Variants in ASCC2 observed in about 807,000 individuals in gnomAD.
The protein encoded by ASCC2 is activating signal cointegrator 1 complex subunit 2.
A neutral mutation model predicts 93.5 loss-of-function variants in ASCC2; 42 were observed. That is an observed-to-expected ratio of 0.45 (90% confidence interval 0.35 to 0.58). The LOEUF is 0.58. Ranked by LOEUF, ASCC2 falls within the 20% of genes least tolerant of loss-of-function variation. ASCC2 has a pLI of 0.00. For missense variants in ASCC2, 859 were observed against 977.6 expected (o/e 0.88, Z 1.62); for synonymous variants, 364 against 384.2 (o/e 0.95, Z 0.62).
intron 1 of ASCC2, among the ~76,000 whole-genome samples, chr22:29,832,881 C>CT: frequency 6.6e-6 from 1 of 152,138 alleles, no homozygotes; most frequent in East Asian, 1.9e-4. Context: ...GCTGGGACTA[C>CT]AGGCATGCAC....
intron 5 of ASCC2, among the ~76,000 whole-genome samples, chr22:29,816,308 T>C (rs1268937525): frequency 6.6e-6 from 1 of 152,158 alleles, no homozygotes; most frequent in Non-Finnish European, 1.5e-5. Context: ...TGATTTAACC[T>C]TTTAAGTACC....
At chr22:29,796,089 G>A (rs560920851) in intron 15 of ASCC2, among the ~76,000 whole-genome samples, 1 of 152,018 alleles carries the variant, frequency 6.6e-6, no homozygotes, top group African/African-American at 2.4e-5. Flanking sequence ...CAGCATGGCG[G>A]GCTAGGGTTT....
intron 17 of ASCC2, 103 bp downstream of exon 17, chr22:29,793,257 T>C (rs897383389): frequency 1.3e-6 from 2 of 1,512,198 alleles, no homozygotes; most frequent in Non-Finnish European, 1.8e-6. Flanking sequence ...AGGACTGGGT[T>C]TGGGCCCTGG....
At chr22:29,832,804 G>A (rs1213507483) in intron 1 of ASCC2, among the ~76,000 whole-genome samples, 1 of 151,422 alleles carries the variant, frequency 6.6e-6, no homozygotes, top group Non-Finnish European at 1.5e-5. Context: ...GAAGTGGTGA[G>A]ATCATAGCTC....
At position 29,800,992 on chromosome 22, in the gene ASCC2, T is replaced by G. The variant is rs777776524; in HGVS notation, c.1687A>C (p.Ser563Arg). Residue 563 changes from serine (S) to arginine (R), a missense_variant and splice_region_variant, in exon 15 of 20, where the codon AGC (serine) becomes CGC (arginine). By Grantham distance (110) the Ser-to-Arg change is moderately radical (BLOSUM62 -1). Transcript: ENST00000307790. ...VDLSRVHKGK[S>R]TRKEENTRSL... ...AACCCCATGGCCCACTGCACTCACC[T>G]CTTGCCCTTGTGCACCCGGCTCAGG... is the stretch of plus-strand genomic sequence containing the variant. 1.3e-6 allele frequency: 2 copies of G among 1,593,370 alleles called. No homozygotes were observed. The highest frequency in any genetic ancestry group is 2.2e-5 in the South Asian group (2 of 90,236).
At chr22:29,832,887 T>A (rs772911249) in intron 1 of ASCC2, among the ~76,000 whole-genome samples, 36 of 152,268 alleles carry the variant, frequency 2.4e-4, no homozygotes, top group Middle Eastern at 6.8e-3. Context: ...ACTACAGGCA[T>A]GCACCACTAC....
intron 15 of ASCC2, among the ~76,000 whole-genome samples, chr22:29,795,593 A>G (rs961650070): frequency 1.3e-5 from 2 of 152,136 alleles, no homozygotes; most frequent in Non-Finnish European, 2.9e-5. Context: ...TGTCTCTTCC[A>G]CAGCTCAAGT....
intron 13 of ASCC2, among the ~76,000 whole-genome samples, chr22:29,804,069 G>A (rs1014495028): frequency 6.6e-6 from 1 of 152,268 alleles, no homozygotes; most frequent in Admixed American, 6.5e-5. Flanking sequence ...TGCCTCGCCT[G>A]AGTCTGTGTG....
At chr22:29,801,905 G>A (rs745796830) in intron 14 of ASCC2, 89 bp downstream of exon 14, 4 of 1,104,432 alleles carry the variant, frequency 3.6e-6, no homozygotes, top group Non-Finnish European at 5.3e-6. Flanking sequence ...GCTGAGTCCT[G>A]GGCCATGAAT....
intron 14 of ASCC2, among the ~76,000 whole-genome samples, 184 bp from the exon 15 acceptor site, chr22:29,801,294 G>A: frequency 6.6e-6 from 1 of 152,186 alleles, no homozygotes; most frequent in East Asian, 1.9e-4. Flanking sequence ...CCTCTGCCTG[G>A]GTATGCAGCC....
At chr22:29,797,694 T>C (rs1467126656) in intron 15 of ASCC2, among the ~76,000 whole-genome samples, 1 of 152,232 alleles carries the variant, frequency 6.6e-6, no homozygotes, top group African/African-American at 2.4e-5. Flanking sequence ...TACAGGACTT[T>C]TCAGAGCCTT....
chr22:29,823,240 T>C (rs944364820), intron 4 of ASCC2, among the ~76,000 whole-genome samples: 3 of 151,952 alleles, frequency 2.0e-5, no homozygotes, highest in Admixed American at 6.6e-5. Context: ...GGTTTTGCCA[T>C]GTTGGCCACG....
intron 15 of ASCC2, among the ~76,000 whole-genome samples, chr22:29,797,279 C>T (rs747454551): frequency 1.3e-5 from 2 of 152,178 alleles, no homozygotes; most frequent in African/African-American, 4.8e-5. Flanking sequence ...GCCCCTGAAA[C>T]CTCGCCACCT....
At chr22:29,805,548 C>A (rs1221413018) in intron 12 of ASCC2, among the ~76,000 whole-genome samples, 3 of 152,184 alleles carry the variant, frequency 2.0e-5, no homozygotes, top group Non-Finnish European at 2.9e-5. Context: ...CGCTCCCCAG[C>A]GCTTGCAGGA....
At chr22:29,836,367 G>T (rs1221852484) in intron 1 of ASCC2, 1 of 112,640 alleles carries the variant, frequency 8.9e-6, no homozygotes, top group Non-Finnish European at 1.7e-5. Context: ...GCGACAGAGC[G>T]AGACTCCATC....
chr22:29,824,951 C>T (rs2062107004), intron 4 of ASCC2, 136 bp downstream of exon 4: 1 of 897,824 alleles, frequency 1.1e-6, no homozygotes, highest in Non-Finnish European at 1.6e-6. Context: ...ATTTCTTCCC[C>T]AACAGTGGGA....
chr22:29,820,021 A>G (rs984923028), intron 5 of ASCC2, among the ~76,000 whole-genome samples: 27 of 152,000 alleles, frequency 1.8e-4, no homozygotes, highest in African/African-American at 6.0e-4. Context: ...CACCACGCCT[A>G]ATTTTTAATT....
chr22:29,805,779 C>T (rs992276450), intron 12 of ASCC2, among the ~76,000 whole-genome samples: 1 of 151,930 alleles, frequency 6.6e-6, no homozygotes, highest in African/African-American at 2.4e-5. Flanking sequence ...GGTGCTCTCC[C>T]ATTCTTTCTG....
At chr22:29,807,090 A>C (rs1441971595) in intron 9 of ASCC2, among the ~76,000 whole-genome samples, 186 bp from the exon 10 acceptor site, 2 of 151,770 alleles carry the variant, frequency 1.3e-5, no homozygotes, top group African/African-American at 2.4e-5. Flanking sequence ...AAATACAAAA[A>C]ATTAGTCAAG....
Sources: allele counts gnomAD v4.1 joint callset (sites outside exome capture counted in the v4.1 genomes callset), GRCh38; gene constraint gnomAD v4.1.1; transcripts MANE v1.5; gene names NCBI Gene and HGNC (gene_info 2026-07-23, HGNC 2026-07-21).